Variants in CALN1 observed in about 807,000 individuals in gnomAD.
CALN1 encodes the protein calcium-binding protein 8.
A neutral mutation model predicts 30.6 loss-of-function variants in CALN1; 17 were observed. The observed-to-expected ratio is 0.56, with a 90% confidence interval of 0.38 to 0.83. The LOEUF (loss-of-function observed/expected upper bound fraction) is 0.83. Among genes scored for constraint, CALN1 ranks in the 40% least tolerant of loss-of-function variants. The pLI is 0.00. For missense variants in CALN1, 291 were observed against 354.9 expected, an observed-to-expected ratio of 0.82 and a Z score of 1.45; for synonymous variants, 156 against 131.4, an observed-to-expected ratio of 1.19 and a Z score of -1.28.
At chr7:71,802,194 A>G (rs1048956433) in intron 6 of CALN1, among the ~76,000 whole-genome samples, 1 of 152,158 alleles carries the variant, frequency 6.6e-6, no homozygotes, top group East Asian at 1.9e-4. Flanking sequence ...GGAGCACTTA[A>G]TAAGAATCTG....
At chr7:72,129,565 T>G (rs1244770392) in intron 3 of CALN1, among the ~76,000 whole-genome samples, 15 of 152,194 alleles carry the variant, frequency 9.9e-5, no homozygotes. Context: ...AGTCCTCATA[T>G]TTTTGGAGAT....
At chr7:72,471,033 G>T in the CALN1 span, among the ~76,000 whole-genome samples, 2 of 152,134 alleles carry the variant, frequency 1.3e-5, no homozygotes, top group African/African-American at 4.8e-5. Context: ...TTGGCTCACT[G>T]CAGCCTTGAA....
intron 3 of CALN1, among the ~76,000 whole-genome samples, chr7:72,112,835 T>C (rs1807673791): frequency 6.6e-6 from 1 of 152,138 alleles, no homozygotes; most frequent in Admixed American, 6.5e-5. Flanking sequence ...TAAGCAAGAA[T>C]GACAAGTGCT....
intron 4 of CALN1, among the ~76,000 whole-genome samples, chr7:72,068,052 C>A (rs984823018): frequency 2.0e-5 from 3 of 152,186 alleles, no homozygotes; most frequent in Non-Finnish European, 4.4e-5. Context: ...CTCATTATCA[C>A]CAACCAATTT....
intron 4 of CALN1, among the ~76,000 whole-genome samples, chr7:72,061,864 A>G (rs879106544): frequency 6.6e-6 from 1 of 151,588 alleles, no homozygotes; most frequent in Non-Finnish European, 1.5e-5. Context: ...CCCAAATGGG[A>G]TGAACCTAAA....
intron 2 of CALN1, among the ~76,000 whole-genome samples, chr7:72,374,103 A>C (rs578163026): frequency 3.5e-4 from 53 of 152,362 alleles, no homozygotes; most frequent in African/African-American, 1.2e-3. Context: ...ACCTGCTCTA[A>C]AACAATTGCT....
chr7:72,396,894 T>C (rs1805998933), intron 2 of CALN1, among the ~76,000 whole-genome samples: 1 of 152,056 alleles, frequency 6.6e-6, no homozygotes, highest in Admixed American at 6.6e-5. Flanking sequence ...GTAGAATCTT[T>C]TAGTAGTAGT....
At chr7:71,925,394 A>G (rs1463750910) in intron 5 of CALN1, among the ~76,000 whole-genome samples, 8 of 152,054 alleles carry the variant, frequency 5.3e-5, no homozygotes, top group Admixed American at 4.6e-4. Context: ...TCCCATTATC[A>G]TAATTGTTCT....
chr7:72,236,671 T>C (rs1447597591), intron 3 of CALN1, among the ~76,000 whole-genome samples: 2 of 152,188 alleles, frequency 1.3e-5, no homozygotes, highest in African/African-American at 4.8e-5. Flanking sequence ...TAATTAATGG[T>C]TGGATTATCT....
intron 1 of CALN1, among the ~76,000 whole-genome samples, chr7:72,405,611 C>T (rs1191562150): frequency 4.6e-5 from 7 of 152,110 alleles, no homozygotes; most frequent in Non-Finnish European, 8.8e-5. Flanking sequence ...CACACTACAA[C>T]GCCCACTTCC....
At chr7:71,962,228 A>T (rs1418654532) in intron 5 of CALN1, among the ~76,000 whole-genome samples, 3 of 48,568 alleles carry the variant, frequency 6.2e-5, no homozygotes, top group African/African-American at 1.9e-4. Flanking sequence ...CCCCATCTCT[A>T]AAAAAAAAAA....
Position 72,171,172 on chromosome 7 carries a change from A to G in CALN1, c.245-64878T>C, listed in dbSNP as rs74502635. Among the ~76,000 whole-genome samples the G allele has an allele frequency of 7.3e-3, 1,117 of 152,296 alleles. 15 individuals are homozygous for G. Among genetic ancestry groups the G allele is most frequent in the African/African-American group, 0.025 (1,032 of 41,564 alleles). Reference sequence around the variant, plus strand: ...GAGTCAGTCTCAAAACAAAACAAAAAAAAGATTTCACAGAGTCAAAATTAG... The same window carrying G: ...GAGTCAGTCTCAAAACAAAACAAAAGAAAGATTTCACAGAGTCAAAATTAG... On this transcript the variant is annotated intron_variant, in intron 3 of 6. Transcript: ENST00000395275.
intron 5 of CALN1, among the ~76,000 whole-genome samples, chr7:71,830,303 A>C (rs1789190537): frequency 6.6e-6 from 1 of 151,702 alleles, no homozygotes; most frequent in Non-Finnish European, 1.5e-5. Flanking sequence ...TCGGCCTCCC[A>C]AAATGCTGGG....
the CALN1 span, among the ~76,000 whole-genome samples, chr7:72,468,429 T>A: frequency 6.6e-6 from 1 of 152,214 alleles, no homozygotes; most frequent in South Asian, 2.1e-4. Context: ...TCCTCTCACA[T>A]CAGCCTACTG....
chr7:72,090,785 A>G (rs1183357410), intron 4 of CALN1, among the ~76,000 whole-genome samples: 1 of 152,226 alleles, frequency 6.6e-6, no homozygotes, highest in African/African-American at 2.4e-5. Context: ...ACATGGGTTG[A>G]ACTGGAAGAC....
chr7:71,936,076 G>A (rs558409622), intron 5 of CALN1, among the ~76,000 whole-genome samples: 2 of 152,248 alleles, frequency 1.3e-5, no homozygotes, highest in South Asian at 2.1e-4. Flanking sequence ...ATGACCAGAA[G>A]CCATGTCAGA....
At chr7:72,087,516 C>T (rs1805557980) in intron 4 of CALN1, among the ~76,000 whole-genome samples, 1 of 152,144 alleles carries the variant, frequency 6.6e-6, no homozygotes, top group African/African-American at 2.4e-5. Context: ...AGAAAAGTAT[C>T]TAGTTTATGT....
chr7:72,362,153 C>A lies in CALN1; in HGVS notation c.119+41098G>T, dbSNP rs144389021. Among the ~76,000 whole-genome samples the A allele has an allele frequency of 2.5e-3, 386 of 152,070 alleles. 5 individuals are homozygous for A. Among genetic ancestry groups the A allele is most frequent in the Admixed American group, 0.023 (358 of 15,262 alleles). ...TTCTTAAGTATGTTAATTTTGAGGT[C>A]CAAATGAATAAAATATCCACGTCCA... On this transcript the variant is annotated intron_variant, in intron 2 of 6. Transcript: ENST00000395275.
At chr7:71,994,037 T>G (rs1799106669) in intron 5 of CALN1, among the ~76,000 whole-genome samples, 1 of 152,128 alleles carries the variant, frequency 6.6e-6, no homozygotes. Context: ...GGAATAATAT[T>G]TTCAGATCTG....
Sources: allele counts gnomAD v4.1 joint callset (sites outside exome capture counted in the v4.1 genomes callset), GRCh38; gene constraint gnomAD v4.1.1; transcripts MANE v1.5; gene names NCBI Gene and HGNC (gene_info 2026-07-23, HGNC 2026-07-21).